TRIM58: variants seen among roughly 807,000 people sequenced by gnomAD.
TRIM58 encodes the protein tripartite motif containing 58.
Under a neutral mutation model 34.1 loss-of-function variants are expected in TRIM58, and 38 were observed. That is an observed-to-expected ratio of 1.12 (90% CI 0.86 to 1.46). TRIM58 has a LOEUF of 1.46. Among genes scored for constraint, TRIM58 ranks in the 40% most tolerant of loss-of-function variants. The pLI, the probability that TRIM58 is intolerant of heterozygous loss-of-function variation, is 0.00. For synonymous variants in TRIM58, 273 were observed against 275.7 expected (o/e 0.99, Z 0.10); for missense variants, 677 against 642.0 (o/e 1.05, Z -0.59).
chr1:247,869,647 C>T (rs1461891681), intron 5 of TRIM58, among the ~76,000 whole-genome samples: 2 of 152,212 alleles, frequency 1.3e-5, no homozygotes, highest in Non-Finnish European at 2.9e-5. Flanking sequence ...GTGACTCATG[C>T]ACTCCTCTTA....
At chr1:247,874,004 A>G (rs1417200844) in intron 5 of TRIM58, among the ~76,000 whole-genome samples, 2 of 152,170 alleles carry the variant, frequency 1.3e-5, no homozygotes, top group East Asian at 3.8e-4. Context: ...TTAAAGGCAA[A>G]TAAGTATAGT....
intron 5 of TRIM58, among the ~76,000 whole-genome samples, chr1:247,875,105 T>C (rs1045190076): frequency 6.6e-6 from 1 of 152,182 alleles, no homozygotes; most frequent in Admixed American, 6.5e-5. Context: ...GAGAAAACTT[T>C]CTGATTTTAC....
Position 247,860,598 on chromosome 1 carries a change from C to T in TRIM58, c.421-19C>T, listed in dbSNP as rs1477643254. The T allele has an allele frequency of 6.3e-7, 1 of 1,595,530 alleles. No individual in the cohort carries two copies. The highest frequency in any genetic ancestry group is 8.6e-7 in the Non-Finnish European group (1 of 1,164,374). ...TACAGATTGAGGGCATCTGTAACAG[C>T]TGAAATGTTCCCAAACAGGTAAAGC... On this transcript the variant is annotated intron_variant, in intron 1 of 5. Transcript: ENST00000366481.
intron 2 of TRIM58, among the ~76,000 whole-genome samples, chr1:247,862,394 T>A (rs954166634): frequency 1.4e-4 from 21 of 152,194 alleles, no homozygotes; most frequent in Admixed American, 1.4e-3. Flanking sequence ...CAGTGGGTTC[T>A]GCAGTAAGAT....
intron 5 of TRIM58, among the ~76,000 whole-genome samples, chr1:247,871,713 T>A (rs979778006): frequency 2.0e-5 from 3 of 152,202 alleles, no homozygotes; most frequent in Admixed American, 2.0e-4. Context: ...AAATGTGTGA[T>A]TAATTTTATC....
intron 3 of TRIM58, among the ~76,000 whole-genome samples, 173 bp downstream of exon 3, chr1:247,865,108 G>T (rs1280162603): frequency 6.6e-6 from 1 of 152,184 alleles, no homozygotes; most frequent in Non-Finnish European, 1.5e-5. Context: ...AGCCATTCCT[G>T]GCATCAGAAT....
chr1:247,865,266 AAAAC>A (rs776674449), intron 3 of TRIM58, among the ~76,000 whole-genome samples: 9 of 152,300 alleles, frequency 5.9e-5, no homozygotes, highest in Middle Eastern at 3.4e-3. Context: ...CCTGTCTCAA[AAAAC>A]AAACAAACAG....
At chr1:247,872,888 C>G (rs1659176559) in intron 5 of TRIM58, among the ~76,000 whole-genome samples, 1 of 152,084 alleles carries the variant, frequency 6.6e-6, no homozygotes, top group African/African-American at 2.4e-5. Context: ...GGGAGATTTT[C>G]CAGCACAAGT....
At position 247,876,577 on chromosome 1, in the gene TRIM58, C is replaced by G; in HGVS notation, c.*88C>G. The G allele has an allele frequency of 1.0e-6, 1 of 978,700 alleles. No homozygotes were observed. The highest frequency in any genetic ancestry group is 2.6e-5 in the East Asian group (1 of 38,720). The allele number at this position is 978,700 out of a possible 1,614,324, so 60.6% of individuals were successfully genotyped here. On this transcript the variant is annotated 3_prime_UTR_variant, in exon 6 of 6. Coordinates refer to ENST00000366481, the MANE Select transcript of TRIM58 (RefSeq NM_015431.4). ...CAATATACTAAGTTTTAACAGATAC[C>G]CCATTTAGGTCAGCACTTGATTCGT...
In TRIM58 at chr1:247,878,895, C is replaced by A. The variant is rs572793677; in HGVS notation, c.*2406C>A. On this transcript the variant is annotated 3_prime_UTR_variant, in exon 6 of 6. Coordinates refer to ENST00000366481, the MANE Select transcript of TRIM58 (RefSeq NM_015431.4). ...TCTTCATCTCTTGCATTCTTAGGTT[C>A]ATAGTTTTGTGTGTCTCCTGTAATG... 2.6e-5 allele frequency among the ~76,000 whole-genome samples: 4 copies of A among 152,296 alleles called. No homozygotes were observed. Among genetic ancestry groups the A allele is most frequent in the African/African-American group, 9.6e-5 (4 of 41,560 alleles).
chr1:247,868,070 G>C lies in TRIM58; in HGVS notation c.871+7G>C, dbSNP rs755307711. 1.9e-6 allele frequency: 3 copies of C among 1,594,934 alleles called. No individual in the cohort carries two copies. The highest frequency in any genetic ancestry group is 4.5e-5 in the East Asian group (2 of 44,598). ...CTCTTAAGGAAGTTCCAAGGTAGTT[G>C]CATCTTAGAGACTGGGAATTAGGCT... On this transcript the variant is annotated splice_region_variant and intron_variant, in intron 5 of 5. Coordinates refer to ENST00000366481, the MANE Select transcript of TRIM58 (RefSeq NM_015431.4).
chr1:247,873,638 T>C (rs1323466758), intron 5 of TRIM58, among the ~76,000 whole-genome samples: 1 of 152,104 alleles, frequency 6.6e-6, no homozygotes, highest in Non-Finnish European at 1.5e-5. Flanking sequence ...AATAATGCAA[T>C]GCGCAGTTAC....
intron 3 of TRIM58, among the ~76,000 whole-genome samples, chr1:247,866,968 G>GCA (rs1663943550): frequency 6.6e-6 from 1 of 152,038 alleles, no homozygotes; most frequent in Admixed American, 6.5e-5. Context: ...TATCTGACTG[G>GCA]CAACTGTTTT....
At chr1:247,860,862 G>A (rs767071073) in intron 2 of TRIM58, 150 bp downstream of exon 2, 7 of 584,082 alleles carry the variant, frequency 1.2e-5, no homozygotes, top group East Asian at 3.0e-5. Flanking sequence ...GGGTCATCCC[G>A]TCCCCTCAAA....
At chr1:247,874,190 T>G (rs1659220939) in intron 5 of TRIM58, among the ~76,000 whole-genome samples, 1 of 152,236 alleles carries the variant, frequency 6.6e-6, no homozygotes, top group African/African-American at 2.4e-5. Context: ...CATGGTTCTG[T>G]AGGCTGTACA....
intron 1 of TRIM58, among the ~76,000 whole-genome samples, chr1:247,859,844 T>G (rs1383006056): frequency 6.6e-6 from 1 of 151,996 alleles, no homozygotes; most frequent in Non-Finnish European, 1.5e-5. Context: ...AATATAGAGA[T>G]ATAATAGCAT....
rs1252165441 is a variant in TRIM58, at chr1:247,875,879, TCCA to T, written c.872-16_872-14del. 5.0e-6 allele frequency: 8 copies of T among 1,589,016 alleles called. No individual in the cohort carries two copies. The highest frequency in any genetic ancestry group is 1.7e-6 in the Non-Finnish European group (2 of 1,166,226). ...CAGTCCTTTCTTTCCTTTCACCTGG[TCCA>T]CCACATTCTTTCCGCAGTGGATGTA... On this transcript the variant is annotated intron_variant, in intron 5 of 5. Transcript: ENST00000366481.
At chr1:247,875,259 A>G (rs1659254677) in intron 5 of TRIM58, among the ~76,000 whole-genome samples, 2 of 151,952 alleles carry the variant, frequency 1.3e-5, no homozygotes, top group South Asian at 2.1e-4. Context: ...TAACTTTGGA[A>G]GTAGTGGATT....
At chr1:247,859,371 C>T (rs1000521371) in intron 1 of TRIM58, among the ~76,000 whole-genome samples, 4 of 152,130 alleles carry the variant, frequency 2.6e-5, no homozygotes, top group African/African-American at 9.7e-5. Flanking sequence ...CCCACTGAGT[C>T]AAATGGTATC....
Sources: allele counts gnomAD v4.1 joint callset (sites outside exome capture counted in the v4.1 genomes callset), GRCh38; gene constraint gnomAD v4.1.1; transcripts MANE v1.5; gene names NCBI Gene and HGNC (gene_info 2026-07-23, HGNC 2026-07-21).